SH3D19: variants seen among roughly 807,000 people sequenced by gnomAD.
SH3D19 encodes the protein SH3 domain-containing protein 19.
A neutral mutation model predicts 112.1 loss-of-function variants in SH3D19; 58 were observed. The ratio of observed to expected loss-of-function variants is 0.52; its 90% CI spans 0.42 to 0.64. The LOEUF (loss-of-function observed/expected upper bound fraction) is 0.64. Ranked by LOEUF, SH3D19 falls within the 30% of genes least tolerant of loss-of-function variation. SH3D19 has a pLI of 0.00. For missense variants in SH3D19, 1,090 were observed against 1,263.4 expected (o/e 0.86, Z 2.08); for synonymous variants, 391 against 448.5 (o/e 0.87, Z 1.62).
At chr4:151,190,645 A>T (rs1325589241) in intron 2 of SH3D19, among the ~76,000 whole-genome samples, 2 of 152,226 alleles carry the variant, frequency 1.3e-5, no homozygotes, top group Non-Finnish European at 1.5e-5. Flanking sequence ...AAGTGCACAG[A>T]AGTCAAGAAT....
At chr4:151,159,954 T>A (rs1756846474) in intron 8 of SH3D19, among the ~76,000 whole-genome samples, 1 of 152,210 alleles carries the variant, frequency 6.6e-6, no homozygotes. Context: ...ACCCAAGGTC[T>A]TATTGCTAGT....
intron 1 of SH3D19, chr4:151,261,009 T>C (rs1772337540): frequency 6.6e-6 from 1 of 152,144 alleles, no homozygotes; most frequent in Non-Finnish European, 1.5e-5. Flanking sequence ...TTTGTACTTG[T>C]TTGTTGCTTG....
intron 1 of SH3D19, chr4:151,277,076 T>A: frequency 1.1e-6 from 1 of 906,752 alleles, no homozygotes; most frequent in African/African-American, 1.7e-5. Context: ...GAGGAATCCA[T>A]CTAGGAGAAG....
intron 1 of SH3D19, among the ~76,000 whole-genome samples, chr4:151,322,444 A>T (rs979263250): frequency 6.6e-6 from 1 of 151,296 alleles, no homozygotes; most frequent in Non-Finnish European, 1.5e-5. Flanking sequence ...AAAAAAAAAA[A>T]AAAAAAAAAA....
chr4:151,128,119 G>T, intron 18 of SH3D19, 51 bp downstream of exon 18: 1 of 1,462,154 alleles, frequency 6.8e-7, no homozygotes, highest in Non-Finnish European at 9.2e-7. Flanking sequence ...TAGTTTTGAA[G>T]GTTTCAGGCT....
At chr4:151,237,555 T>C (rs1770220997) in intron 1 of SH3D19, among the ~76,000 whole-genome samples, 1 of 151,866 alleles carries the variant, frequency 6.6e-6, no homozygotes, top group Admixed American at 6.6e-5. Context: ...TCACTACTTA[T>C]TACCTGAAGG....
chr4:151,240,017 T>G (rs1227497469), intron 1 of SH3D19, among the ~76,000 whole-genome samples: 1 of 152,162 alleles, frequency 6.6e-6, no homozygotes, highest in African/African-American at 2.4e-5. Flanking sequence ...GTAATCCCAG[T>G]GCTTTGGGAA....
intron 2 of SH3D19, among the ~76,000 whole-genome samples, chr4:151,223,469 C>T (rs933008421): frequency 1.3e-5 from 2 of 152,138 alleles, no homozygotes; most frequent in South Asian, 2.1e-4. Context: ...CACTTCCTAG[C>T]TTTCTATCAC....
rs768625546 is a variant in SH3D19, at chr4:151,128,290, A to C, written c.2809T>G (p.Leu937Val). 9.9e-6 allele frequency: 16 copies of C among 1,614,162 alleles called. No homozygotes were observed. In the South Asian group the frequency reaches 1.8e-4, roughly 18 times the overall value. ...HSFTAETSDD[L>V]SFKRGDRIQI... ...ATCCGGTCTCCCCTCTTGAATGATAAGTCATCACTGGTCTCTGCTGTAAAA... is the reference window on the plus strand; with the variant it reads ...ATCCGGTCTCCCCTCTTGAATGATACGTCATCACTGGTCTCTGCTGTAAAA... Residue 937 changes from leucine (L) to valine (V), a missense_variant, in exon 18 of 20, where the codon TTA (leucine) becomes GTA (valine). Coordinates refer to ENST00000604030, the MANE Select transcript of SH3D19 (RefSeq NM_001378122.1).
chr4:151,226,120 G>A, intron 1 of SH3D19, 34 bp from the exon 2 acceptor site: 3 of 1,231,074 alleles, frequency 2.4e-6, no homozygotes, highest in Non-Finnish European at 3.0e-6. Context: ...GTGTCAAAAG[G>A]TTCTTTAAAA....
intron 11 of SH3D19, 127 bp from the exon 12 acceptor site, chr4:151,144,177 T>G: frequency 7.8e-7 from 1 of 1,285,008 alleles, no homozygotes; most frequent in Non-Finnish European, 1.1e-6. Context: ...AGGCCAGTAA[T>G]TTTTTTTTTA....
At chr4:151,245,163 A>ATAAT (rs139386872) in intron 1 of SH3D19, among the ~76,000 whole-genome samples, 3 of 151,366 alleles carry the variant, frequency 2.0e-5, no homozygotes, top group African/African-American at 7.3e-5. Flanking sequence ...AAATAAAATA[A>ATAAT]AATAATAATA....
intron 2 of SH3D19, 143 bp downstream of exon 2, chr4:151,225,904 A>C (rs559974835): frequency 2.1e-6 from 1 of 474,284 alleles, no homozygotes; most frequent in Non-Finnish European, 3.4e-6. Context: ...AGAATGAATA[A>C]GATTTCCCTT....
At chr4:151,142,291 T>G (rs983527583) in intron 12 of SH3D19, among the ~76,000 whole-genome samples, 1 of 152,152 alleles carries the variant, frequency 6.6e-6, no homozygotes, top group African/African-American at 2.4e-5. Flanking sequence ...CTGTAGCATA[T>G]TCATAGAATT....
In SH3D19 at chr4:151,121,943, G is replaced by A. The variant is rs1579576874; in HGVS notation, c.*148C>T. ...TGAAAATTAACTACAAAATCTGAAC[G>A]TTTTCTGCTTTCAGAAAATTCTAGT... is the stretch of plus-strand genomic sequence containing the variant. On this transcript the variant is annotated 3_prime_UTR_variant, in exon 20 of 20. Transcript: ENST00000604030. 7.7e-6 allele frequency: 4 copies of A among 517,142 alleles called. No individual in the cohort carries two copies. The highest frequency in any genetic ancestry group is 6.5e-5 in the Admixed American group (2 of 30,750). 32.0% of individuals were successfully genotyped at this position (517,142 alleles called of 1,614,324 possible). A position where few individuals can be genotyped will look rare whatever the true frequency, so the allele number is the denominator to read the frequency against.
intron 2 of SH3D19, among the ~76,000 whole-genome samples, chr4:151,216,794 C>A (rs1490223715): frequency 6.6e-6 from 1 of 152,056 alleles, no homozygotes; most frequent in Non-Finnish European, 1.5e-5. Flanking sequence ...AACTGCTACA[C>A]CATATACATG....
rs993924751 is a variant in SH3D19 at position 151,132,257 on chromosome 4, A to C, written c.2742+74T>G. The C allele has an allele frequency of 2.1e-5, 26 of 1,258,462 alleles. No homozygotes were observed. The South Asian group carries it at 3.2e-4, about 15-fold the overall frequency. The allele number at this position is 1,258,462 out of a possible 1,614,324, so 78.0% of individuals were successfully genotyped here. On this transcript the variant is annotated intron_variant, in intron 17 of 19. Transcript: ENST00000604030. ...AATTAATTCATACTATATTCTCTTGAAAATTATGATTTTAATATTCCTCCC... is the reference window on the plus strand; with the variant it reads ...AATTAATTCATACTATATTCTCTTGCAAATTATGATTTTAATATTCCTCCC...
intron 1 of SH3D19, among the ~76,000 whole-genome samples, chr4:151,287,850 AG>A (rs1384872487): frequency 1.3e-5 from 2 of 152,200 alleles, no homozygotes; most frequent in African/African-American, 2.4e-5. Context: ...ACCACATTCC[AG>A]CCTGGGAGAC....
intron 1 of SH3D19, among the ~76,000 whole-genome samples, chr4:151,287,346 A>C: frequency 6.6e-6 from 1 of 150,498 alleles, no homozygotes; most frequent in South Asian, 2.1e-4. Context: ...GTCTCCAAAA[A>C]AAAAAAAAAA....
Sources: gnomAD v4.1 joint callset for allele counts (sites outside exome capture counted in the v4.1 genomes callset) on GRCh38, gnomAD v4.1.1 for gene constraint, MANE v1.5 for transcripts, NCBI Gene and HGNC (gene_info 2026-07-23, HGNC 2026-07-21) for gene names.